EPHA3: variants seen among roughly 807,000 people sequenced by gnomAD.
The protein encoded by EPHA3 is ephrin type-A receptor 3.
In EPHA3, 42 loss-of-function variants were observed where a neutral mutation model predicts 107.1. The ratio of observed to expected loss-of-function variants is 0.39; its 90% confidence interval spans 0.31 to 0.51. EPHA3 has a LOEUF of 0.51. Among genes scored for constraint, EPHA3 ranks in the 20% least tolerant of loss-of-function variants. EPHA3 has a pLI of 0.78. For synonymous variants in EPHA3, 461 were observed against 424.8 expected, an observed-to-expected ratio of 1.09 and a Z score of -1.05; for missense variants, 1,183 against 1,211.2, an observed-to-expected ratio of 0.98 and a Z score of 0.35.
At chr3:89,271,125 G>A (rs774901488) in intron 3 of EPHA3, among the ~76,000 whole-genome samples, 163 of 152,038 alleles carry the variant, frequency 1.1e-3, no homozygotes, top group Non-Finnish European at 1.6e-3. Flanking sequence ...TATATGTTCT[G>A]CTTCAGCATT....
chr3:89,159,610 T>C (rs559318617), intron 2 of EPHA3, among the ~76,000 whole-genome samples: 3 of 152,136 alleles, frequency 2.0e-5, no homozygotes, highest in Non-Finnish European at 4.4e-5. Context: ...ATGAAACCAA[T>C]TGGAACTACA....
At chr3:89,196,408 C>A (rs1268974723) in intron 2 of EPHA3, among the ~76,000 whole-genome samples, 1 of 152,156 alleles carries the variant, frequency 6.6e-6, no homozygotes, top group Admixed American at 6.5e-5. Context: ...GGTATGGAAG[C>A]TCCCTGAGGA....
At chr3:89,422,023 T>C (rs1277549915) in intron 11 of EPHA3, among the ~76,000 whole-genome samples, 3 of 151,250 alleles carry the variant, frequency 2.0e-5, no homozygotes, top group African/African-American at 4.8e-5. Context: ...CTGCCAAATC[T>C]GACTATATAA....
rs557002830 is a variant in EPHA3 at position 89,228,857 on chromosome 3, A to T, written c.814+18337A>T. ...CAGCAGTTTTCAGGCTGAAGTACAT[A>T]TAAACTAAAGATTCACAGAGACTTC... On this transcript the variant is annotated intron_variant, in intron 3 of 16. Transcript: ENST00000336596. Among the ~76,000 whole-genome samples, 2 of 152,044 alleles carry T rather than the reference A, an allele frequency of 1.3e-5. 1 individual carries two copies. The highest frequency in any genetic ancestry group is 4.8e-5 in the African/African-American group (2 of 41,558).
At chr3:89,363,732 A>C (rs1257743928) in intron 5 of EPHA3, among the ~76,000 whole-genome samples, 1 of 150,474 alleles carries the variant, frequency 6.6e-6, no homozygotes, top group African/African-American at 2.4e-5. Flanking sequence ...TTTTGAGTTA[A>C]TTTCTAGACT....
At chr3:89,445,895 G>T (rs1709868343) in intron 13 of EPHA3, among the ~76,000 whole-genome samples, 2 of 152,276 alleles carry the variant, frequency 1.3e-5, no homozygotes, top group South Asian at 4.1e-4. Context: ...TTAAAAATTA[G>T]TACGAAGGTA....
intron 3 of EPHA3, among the ~76,000 whole-genome samples, chr3:89,258,872 C>G (rs1306476823): frequency 6.6e-5 from 10 of 152,138 alleles, no homozygotes; most frequent in Non-Finnish European, 1.3e-4. Flanking sequence ...AGTTTTGCAC[C>G]CTGAGTGTTG....
chr3:89,194,515 C>A (rs1365440500), intron 2 of EPHA3, among the ~76,000 whole-genome samples: 3 of 151,926 alleles, frequency 2.0e-5, no homozygotes, highest in Non-Finnish European at 4.4e-5. Flanking sequence ...GATTAAGAAA[C>A]CTGTAAAGAA....
intron 5 of EPHA3, among the ~76,000 whole-genome samples, chr3:89,347,580 T>G (rs1219207441): frequency 6.7e-6 from 1 of 149,836 alleles, no homozygotes; most frequent in Non-Finnish European, 1.5e-5. Flanking sequence ...TTTGACTTCC[T>G]CTTTTCCTAA....
chr3:89,204,545 A>T (rs1317126083), intron 2 of EPHA3, among the ~76,000 whole-genome samples: 1 of 151,302 alleles, frequency 6.6e-6, no homozygotes, highest in African/African-American at 2.4e-5. Flanking sequence ...CATTTGTCTC[A>T]ACTATTTGAC....
intron 11 of EPHA3, among the ~76,000 whole-genome samples, chr3:89,420,380 G>C (rs1709331620): frequency 6.6e-6 from 1 of 151,270 alleles, no homozygotes; most frequent in Non-Finnish European, 1.5e-5. Flanking sequence ...TTCCTCATGA[G>C]AGCATGGTTT....
At chr3:89,338,595 C>T (rs1385745354) in intron 3 of EPHA3, among the ~76,000 whole-genome samples, 1 of 152,206 alleles carries the variant, frequency 6.6e-6, no homozygotes, top group Admixed American at 6.5e-5. Flanking sequence ...GTCGCCCAGG[C>T]CGGACTGCAG....
At chr3:89,423,830 G>T (rs1709400347) in intron 11 of EPHA3, among the ~76,000 whole-genome samples, 1 of 151,244 alleles carries the variant, frequency 6.6e-6, no homozygotes, top group Admixed American at 6.6e-5. Flanking sequence ...TGTATAGGAT[G>T]GTTTTCTGAT....
intron 3 of EPHA3, among the ~76,000 whole-genome samples, chr3:89,231,956 A>C (rs74877218): frequency 0.035 from 5,325 of 152,242 alleles, 256 homozygotes; most frequent in African/African-American, 0.11. Context: ...GTTAATGGAC[A>C]GTTCTTTTTC....
intron 5 of EPHA3, among the ~76,000 whole-genome samples, chr3:89,356,887 G>A (rs1197920775): frequency 6.7e-6 from 1 of 150,140 alleles, no homozygotes; most frequent in African/African-American, 2.4e-5. Flanking sequence ...GGCAGATCAG[G>A]AAGTCAGGAG....
At chr3:89,407,732 A>T (rs1170952987) in intron 8 of EPHA3, among the ~76,000 whole-genome samples, 1 of 152,074 alleles carries the variant, frequency 6.6e-6, no homozygotes, top group Non-Finnish European at 1.5e-5. Context: ...CACAGCACTA[A>T]TCATTACCCA....
chr3:89,170,430 A>G (rs1182039726), intron 2 of EPHA3, among the ~76,000 whole-genome samples: 1 of 152,168 alleles, frequency 6.6e-6, no homozygotes, highest in East Asian at 1.9e-4. Context: ...ACCTTCAAGG[A>G]CACTTAGCCT....
At chr3:89,409,373 G>A (rs1709114589) in intron 9 of EPHA3, among the ~76,000 whole-genome samples, 2 of 151,882 alleles carry the variant, frequency 1.3e-5, no homozygotes, top group South Asian at 2.1e-4. Flanking sequence ...CATTCTTGTG[G>A]ATTAAGTCAC....
At chr3:89,467,887 T>G (rs142382918) in intron 15 of EPHA3, among the ~76,000 whole-genome samples, 4 of 152,336 alleles carry the variant, frequency 2.6e-5, no homozygotes, top group African/African-American at 7.2e-5. Context: ...GGTGGAGCTC[T>G]GTAGGACATC....
Sources: allele counts gnomAD v4.1 joint callset (sites outside exome capture counted in the v4.1 genomes callset), GRCh38; gene constraint gnomAD v4.1.1; transcripts MANE v1.5; gene names NCBI Gene and HGNC (gene_info 2026-07-23, HGNC 2026-07-21).